The following DCDC1 variants were observed in gnomAD, a reference collection of about 807,000 sequenced individuals.
The protein encoded by DCDC1 is doublecortin domain containing 1, also known as doublecortin domain-containing protein 1.
DCDC1 carries 200 observed loss-of-function variants against 178.3 expected under a neutral mutation model. The observed-to-expected ratio is 1.12, with a 90% CI of 1.00 to 1.26. The LOEUF (loss-of-function observed/expected upper bound fraction) is 1.26. Ranked by LOEUF, DCDC1 falls within the 50% of genes most tolerant of loss-of-function variation. The probability of loss-of-function intolerance (pLI) is 0.00; values close to 1 mark genes in which losing one functional copy is unlikely to be tolerated. For synonymous variants in DCDC1, 690 were observed against 604.8 expected, an observed-to-expected ratio of 1.14 and a Z score of -2.07; for missense variants, 1,983 against 1,749.2, an observed-to-expected ratio of 1.13 and a Z score of -2.38.
chr11:31,218,252 G>C (rs1264169792), intron 9 of DCDC1, among the ~76,000 whole-genome samples: 1 of 151,898 alleles, frequency 6.6e-6, no homozygotes, highest in African/African-American at 2.4e-5. Flanking sequence ...CAAAACACTA[G>C]AAAACTAATG....
At chr11:31,343,328 T>C (rs1565637609) in intron 1 of DCDC1, among the ~76,000 whole-genome samples, 2 of 152,064 alleles carry the variant, frequency 1.3e-5, no homozygotes, top group South Asian at 2.1e-4. Context: ...TTTTTTGAGA[T>C]GGAGTTTCAC....
intron 20 of DCDC1, among the ~76,000 whole-genome samples, chr11:31,034,854 T>TAGCA (rs555291766): frequency 4.3e-4 from 66 of 152,326 alleles, no homozygotes; most frequent in African/African-American, 1.2e-3. Context: ...CTACAAAAAG[T>TAGCA]CACCTTGTCT....
intron 2 of DCDC1, among the ~76,000 whole-genome samples, chr11:31,331,827 G>T (rs564359085): frequency 3.0e-4 from 41 of 134,568 alleles, no homozygotes; most frequent in African/African-American, 1.1e-3. Flanking sequence ...AGGGATACTG[G>T]TCTAAAATTC....
At chr11:31,110,428 T>A (rs778738289) in intron 11 of DCDC1, 67 bp from the exon 12 acceptor site, 3 of 624,800 alleles carry the variant, frequency 4.8e-6, no homozygotes, top group Non-Finnish European at 8.7e-6. Flanking sequence ...TATTCATACA[T>A]ACTTAGATAA....
At chr11:31,035,910 T>A (rs955380346) in intron 20 of DCDC1, among the ~76,000 whole-genome samples, 4 of 152,228 alleles carry the variant, frequency 2.6e-5, no homozygotes, top group Non-Finnish European at 5.9e-5. Context: ...GATGCGTTTA[T>A]AAGAGTATAA....
At chr11:30,997,445 G>A (rs191592215) in intron 20 of DCDC1, among the ~76,000 whole-genome samples, 5 of 152,164 alleles carry the variant, frequency 3.3e-5, no homozygotes, top group Admixed American at 3.3e-4. Context: ...CACTGAAGGG[G>A]TAAGGAAGAA....
In DCDC1 at chr11:30,892,853, C is replaced by T; in HGVS notation, c.5047G>A (p.Asp1683Asn). Residue 1683 changes from aspartate to asparagine, a missense_variant, in exon 36 of 39, where the codon GAT (aspartate) becomes AAT (asparagine). Transcript: ENST00000684477. ...GTTTTGCCCCAGGCATAAGTGCCAT[C>T]TTCAGGTCTGCCTCCATTTAGATAA... ...WIYLNGGRPE[D>N]GTYAWGKTIS... is the part of the protein sequence containing the mutation. The T allele has an allele frequency of 6.2e-7, 1 of 1,613,910 alleles. No individual in the cohort carries two copies. The highest frequency in any genetic ancestry group is 8.5e-7 in the Non-Finnish European group (1 of 1,179,828).
intron 7 of DCDC1, among the ~76,000 whole-genome samples, chr11:31,271,035 C>A (rs1296902479): frequency 6.6e-6 from 1 of 152,150 alleles, no homozygotes. Context: ...GGTCAAATTT[C>A]TCTCCCACTT....
rs753568409 is a variant in DCDC1, at chr11:31,290,749, C to T, written c.858G>A (p.Met286Ile). 44 of 1,613,494 alleles carry T rather than the reference C, an allele frequency of 2.7e-5. No individual in the cohort carries two copies. Among genetic ancestry groups the T allele is most frequent in the Non-Finnish European group, 3.6e-5 (43 of 1,179,578 alleles). The change falls in exon 7 of 39, where the codon ATG becomes ATA. Residue 286 changes from methionine to isoleucine, a missense_variant. Met to Ile is a conservative substitution (Grantham distance 10). Coordinates refer to ENST00000684477, the MANE Select transcript of DCDC1 (RefSeq NM_001387274.1). ...CTGAGGTCCTCTCAGTAAGTTTCTT[C>T]ATTCTAATAGAAAGAACAGGCTTGG... is the stretch of plus-strand genomic sequence containing the variant. Reference protein sequence around the residue: ...RKTKPVLSIRMKKLTERTSVR... With the variant: ...RKTKPVLSIRIKKLTERTSVR...
chr11:31,133,454 G>A (rs1962705239), intron 10 of DCDC1, among the ~76,000 whole-genome samples: 1 of 152,178 alleles, frequency 6.6e-6, no homozygotes, highest in African/African-American at 2.4e-5. Context: ...AATAAAATTA[G>A]TATTTTAAAC....
chr11:31,351,375 A>G (rs1951064240), intron 1 of DCDC1, among the ~76,000 whole-genome samples: 1 of 152,156 alleles, frequency 6.6e-6, no homozygotes, highest in Admixed American at 6.5e-5. Flanking sequence ...AGTAACAAAT[A>G]GAAGCATAAA....
chr11:31,011,898 G>A (rs1002951952), intron 20 of DCDC1, among the ~76,000 whole-genome samples: 23 of 152,176 alleles, frequency 1.5e-4, no homozygotes, highest in East Asian at 7.7e-4. Context: ...TTGTGTCCCC[G>A]CCCAAATCTT....
chr11:31,322,911 T>A (rs2137797262), intron 3 of DCDC1, among the ~76,000 whole-genome samples: 1 of 152,380 alleles, frequency 6.6e-6, no homozygotes, highest in African/African-American at 2.4e-5. Context: ...CTGCATTAAA[T>A]GTAATGGACA....
chr11:30,869,123 G>A (rs1169011532), intron 38 of DCDC1, among the ~76,000 whole-genome samples: 1 of 152,198 alleles, frequency 6.6e-6, no homozygotes, highest in Non-Finnish European at 1.5e-5. Context: ...GAAGAAAAGT[G>A]TTTTCCACTC....
intron 20 of DCDC1, among the ~76,000 whole-genome samples, chr11:31,058,285 T>C (rs1174684170): frequency 1.3e-5 from 2 of 152,152 alleles, no homozygotes; most frequent in African/African-American, 4.8e-5. Context: ...CCATTAATCA[T>C]ACCCCTTCAT....
intron 38 of DCDC1, among the ~76,000 whole-genome samples, chr11:30,874,545 G>A (rs1220091147): frequency 6.6e-6 from 1 of 152,092 alleles, no homozygotes; most frequent in Non-Finnish European, 1.5e-5. Context: ...AAAAGTAATG[G>A]AAATGAGAAC....
chr11:31,302,702 A>G (rs1447636084), intron 6 of DCDC1, among the ~76,000 whole-genome samples: 1 of 152,178 alleles, frequency 6.6e-6, no homozygotes, highest in Admixed American at 6.6e-5. Flanking sequence ...TATGTGATGA[A>G]TAGCTCTCCG....
At chr11:30,970,556 C>T (rs1247528648) in intron 20 of DCDC1, among the ~76,000 whole-genome samples, 1 of 152,182 alleles carries the variant, frequency 6.6e-6, no homozygotes, top group Non-Finnish European at 1.5e-5. Context: ...GCCACCAAGG[C>T]CAAAGCATGA....
rs771547180 is a variant in DCDC1 at position 30,892,998 on chromosome 11, C to T, written c.4903-1G>A. On this transcript the variant is annotated splice_acceptor_variant, in intron 35 of 38. Transcript: ENST00000684477. LOFTEE classifies it high-confidence loss of function. ...TTTCTTGGATTTCAGAAAGGTGTGCCTGTCAAGAAAAGCCCAGAGAATGTT... is the reference window on the plus strand; with the variant it reads ...TTTCTTGGATTTCAGAAAGGTGTGCTTGTCAAGAAAAGCCCAGAGAATGTT... 4 of 1,613,522 alleles carry T rather than the reference C, an allele frequency of 2.5e-6. No homozygotes were observed. The Admixed American group carries it at 6.7e-5, about 27-fold the overall frequency.
Sources: gnomAD v4.1 joint callset for allele counts (sites outside exome capture counted in the v4.1 genomes callset) on GRCh38, gnomAD v4.1.1 for gene constraint, MANE v1.5 for transcripts, NCBI Gene and HGNC (gene_info 2026-07-23, HGNC 2026-07-21) for gene names.